AGK: variants seen among roughly 807,000 people sequenced by gnomAD.
AGK encodes the protein acylglycerol kinase, mitochondrial.
AGK carries 52 observed loss-of-function variants against 66.4 expected under a neutral mutation model. The ratio of observed to expected loss-of-function variants is 0.78; its 90% confidence interval spans 0.63 to 0.99. The LOEUF (loss-of-function observed/expected upper bound fraction) is 0.99, where lower values mean the gene tolerates loss of function less well. Ranked by LOEUF, AGK falls within the 50% of genes least tolerant of loss-of-function variation. The pLI, the probability that AGK is intolerant of heterozygous loss-of-function variation, is 0.00. For synonymous variants in AGK, 182 were observed against 181.1 expected (o/e 1.00, Z -0.04); for missense variants, 451 against 506.6 (o/e 0.89, Z 1.05).
chr7:141,650,404 G>T, intron 14 of AGK: 1 of 585,404 alleles, frequency 1.7e-6, no homozygotes, highest in South Asian at 7.5e-5. Context: ...TATTGCTAAG[G>T]TTAGGCGAAG....
intron 2 of AGK, among the ~76,000 whole-genome samples, chr7:141,560,795 C>CTTTTTTTTT (rs71172604): frequency 6.5e-5 from 8 of 124,012 alleles, no homozygotes; most frequent in East Asian, 2.3e-4. Flanking sequence ...GCCATTCTTT[C>CTTTTTTTTT]TTTTTTTTTT....
At chr7:141,643,146 TCTAA>T (rs1431522390) in intron 13 of AGK, among the ~76,000 whole-genome samples, 3 of 152,210 alleles carry the variant, frequency 2.0e-5, no homozygotes, top group East Asian at 3.8e-4. Flanking sequence ...TGAGATGTTT[TCTAA>T]CTATGAAAAT....
chr7:141,646,376 T>TA (rs1307276885), intron 13 of AGK, among the ~76,000 whole-genome samples: 1 of 148,364 alleles, frequency 6.7e-6, no homozygotes, highest in Non-Finnish European at 1.5e-5. Flanking sequence ...TCAAACCAAT[T>TA]AGAGTAGAAA....
At chr7:141,569,757 G>A (rs913356282) in intron 2 of AGK, among the ~76,000 whole-genome samples, 2 of 152,088 alleles carry the variant, frequency 1.3e-5, no homozygotes, top group Admixed American at 1.3e-4. Context: ...CACACAGCTG[G>A]TATCAGAGCC....
At chr7:141,643,389 A>T (rs1449909953) in intron 13 of AGK, among the ~76,000 whole-genome samples, 1 of 152,216 alleles carries the variant, frequency 6.6e-6, no homozygotes, top group African/African-American at 2.4e-5. Flanking sequence ...AATCTAAGTG[A>T]TTATCAGTAT....
At chr7:141,575,610 T>G (rs1049575183) in intron 2 of AGK, among the ~76,000 whole-genome samples, 2 of 151,464 alleles carry the variant, frequency 1.3e-5, no homozygotes, top group African/African-American at 2.4e-5. Flanking sequence ...AAAACTAAGA[T>G]TTCCAGGAAA....
intron 2 of AGK, among the ~76,000 whole-genome samples, chr7:141,582,540 C>T (rs769614737): frequency 1.3e-5 from 2 of 151,954 alleles, no homozygotes; most frequent in East Asian, 1.9e-4. Flanking sequence ...AATAAGACAG[C>T]CTTCTGACCT....
At chr7:141,639,962 A>C (rs967363256) in intron 11 of AGK, among the ~76,000 whole-genome samples, 1 of 152,186 alleles carries the variant, frequency 6.6e-6, no homozygotes, top group Non-Finnish European at 1.5e-5. Flanking sequence ...AAAAGAAAGC[A>C]CTTGAAAGTA....
At chr7:141,571,511 A>G (rs544984065) in intron 2 of AGK, among the ~76,000 whole-genome samples, 1 of 152,334 alleles carries the variant, frequency 6.6e-6, no homozygotes, top group Admixed American at 6.5e-5. Context: ...AAGGATGCTT[A>G]TAGGCCTGTG....
In AGK at chr7:141,633,962, C is replaced by G. The variant is rs1047702537; in HGVS notation, c.650C>G (p.Ala217Gly). ...CTTCGATGGGGATCTTTCAGAGATG[C>G]TGGCGTCAAAGTTAGCAAGTAAAGG... ...TGLRWGSFRD[A>G]GVKVSKYWYL... The change falls in exon 10 of 16, where the codon GCT becomes GGT. Residue 217 changes from alanine (A) to glycine (G), a missense_variant. Coordinates refer to ENST00000649286, the MANE Select transcript of AGK (RefSeq NM_018238.4). The G allele has an allele frequency of 4.3e-5, 69 of 1,613,728 alleles. No homozygotes were observed. The highest frequency in any genetic ancestry group is 5.8e-5 in the Non-Finnish European group (68 of 1,179,790).
At chr7:141,610,476 T>C (rs1405845550) in intron 5 of AGK, among the ~76,000 whole-genome samples, 1 of 152,238 alleles carries the variant, frequency 6.6e-6, no homozygotes, top group Non-Finnish European at 1.5e-5. Flanking sequence ...CATTGAAGTC[T>C]ATGTATGTAT....
intron 2 of AGK, among the ~76,000 whole-genome samples, chr7:141,573,250 G>A (rs1477978347): frequency 6.6e-6 from 1 of 152,024 alleles, no homozygotes; most frequent in Non-Finnish European, 1.5e-5. Flanking sequence ...GATTTGATAG[G>A]GAATAGGGGA....
intron 2 of AGK, among the ~76,000 whole-genome samples, chr7:141,565,105 C>T (rs1795441371): frequency 6.6e-6 from 1 of 152,164 alleles, no homozygotes; most frequent in Non-Finnish European, 1.5e-5. Context: ...GCCTTCTTCT[C>T]ACATTATATT....
At chr7:141,629,619 A>C (rs1010561462) in intron 9 of AGK, among the ~76,000 whole-genome samples, 10 of 151,984 alleles carry the variant, frequency 6.6e-5, no homozygotes, top group Non-Finnish European at 1.0e-4. Flanking sequence ...CTGGAATACT[A>C]ATTATTCTCT....
chr7:141,563,989 C>T lies in AGK; in HGVS notation c.101+8422C>T, dbSNP rs77163382. On this transcript the variant is annotated intron_variant, in intron 2 of 15. Transcript: ENST00000649286. ...TTGTTGTTGTGTTTAGAGATGGGAT[C>T]TCGCTCTGTCACCCAGGCTGGAGTG... Among the ~76,000 whole-genome samples the T allele has an allele frequency of 1.2e-4, 19 of 152,284 alleles. No individual in the cohort carries two copies. The East Asian group carries it at 2.9e-3, about 23-fold the overall frequency.
chr7:141,634,727 A>C (rs968988230), intron 10 of AGK, among the ~76,000 whole-genome samples: 4 of 152,014 alleles, frequency 2.6e-5, no homozygotes, highest in African/African-American at 7.2e-5. Context: ...CTTTTCTTAA[A>C]ATCGAGGGCT....
chr7:141,561,927 T>G (rs1795359673), intron 2 of AGK, among the ~76,000 whole-genome samples: 1 of 152,204 alleles, frequency 6.6e-6, no homozygotes, highest in African/African-American at 2.4e-5. Flanking sequence ...TGATTGTTAC[T>G]GGTCTTCTGG....
At chr7:141,584,238 G>C (rs974528532) in intron 2 of AGK, among the ~76,000 whole-genome samples, 1 of 152,154 alleles carries the variant, frequency 6.6e-6, no homozygotes, top group African/African-American at 2.4e-5. Context: ...TGGCAGGGGT[G>C]AGGGTCACAA....
chr7:141,633,753 AC>A (rs1262822201), intron 9 of AGK, 147 bp from the exon 10 acceptor site: 1 of 659,266 alleles, frequency 1.5e-6, no homozygotes, highest in East Asian at 2.7e-5. Flanking sequence ...CTAAGCACTC[AC>A]AGGGTTAATG....
Sources: gnomAD v4.1 joint callset for allele counts (sites outside exome capture counted in the v4.1 genomes callset) on GRCh38, gnomAD v4.1.1 for gene constraint, MANE v1.5 for transcripts, NCBI Gene and HGNC (gene_info 2026-07-23, HGNC 2026-07-21) for gene names.